KIAA1671: variants seen among roughly 807,000 people sequenced by gnomAD.
KIAA1671 encodes uncharacterized protein KIAA1671.
A neutral mutation model predicts 131.2 loss-of-function variants in KIAA1671; 52 were observed. The ratio of observed to expected loss-of-function variants is 0.40; its 90% CI spans 0.32 to 0.50. The LOEUF is 0.50. Among genes scored for constraint, KIAA1671 ranks in the 20% least tolerant of loss-of-function variants. The pLI is 0.73. For missense variants in KIAA1671, 2,360 were observed against 2,364.2 expected, an observed-to-expected ratio of 1.00 and a Z score of 0.04; for synonymous variants, 1,003 against 961.6, an observed-to-expected ratio of 1.04 and a Z score of -0.80.
At chr22:24,982,991 G>C (rs911687142) in intron 1 of KIAA1671, among the ~76,000 whole-genome samples, 6 of 152,152 alleles carry the variant, frequency 3.9e-5, no homozygotes, top group Non-Finnish European at 7.3e-5. Flanking sequence ...GAATTCATTT[G>C]GAAAGTACTC....
intron 1 of KIAA1671, among the ~76,000 whole-genome samples, chr22:25,002,576 C>T (rs1326810648): frequency 6.6e-6 from 1 of 152,152 alleles, no homozygotes; most frequent in Non-Finnish European, 1.5e-5. Context: ...GCCAGAAAAA[C>T]TGCAGATGTC....
intron 6 of KIAA1671, 51 bp downstream of exon 6, chr22:25,049,415 G>T: frequency 6.6e-7 from 1 of 1,526,374 alleles, no homozygotes; most frequent in Non-Finnish European, 8.9e-7. Flanking sequence ...GCTGGTTGCT[G>T]GACACTGCTG....
chr22:24,953,812 G>C (rs1921549181), intron 1 of KIAA1671, among the ~76,000 whole-genome samples: 1 of 152,182 alleles, frequency 6.6e-6, no homozygotes, highest in South Asian at 2.1e-4. Flanking sequence ...TGCCGGGACT[G>C]AACTTTCTCT....
intron 1 of KIAA1671, among the ~76,000 whole-genome samples, chr22:24,993,668 C>T (rs768531354): frequency 3.2e-4 from 48 of 152,236 alleles, no homozygotes; most frequent in Admixed American, 5.2e-4. Flanking sequence ...CTCTAAACTC[C>T]ACGTAAACAG....
At chr22:25,084,729 C>G (rs1008975334) in intron 6 of KIAA1671, among the ~76,000 whole-genome samples, 2 of 152,208 alleles carry the variant, frequency 1.3e-5, no homozygotes, top group Admixed American at 6.5e-5. Flanking sequence ...GAGCCTCGAA[C>G]AGTTGAGTGA....
chr22:25,071,750 G>C (rs1928839947), intron 6 of KIAA1671, among the ~76,000 whole-genome samples: 1 of 152,112 alleles, frequency 6.6e-6, no homozygotes, highest in African/African-American at 2.4e-5. Flanking sequence ...CTTGGCATAG[G>C]TGTTGAACTC....
intron 1 of KIAA1671, among the ~76,000 whole-genome samples, chr22:24,994,347 A>G (rs1005528206): frequency 6.6e-6 from 1 of 152,192 alleles, no homozygotes; most frequent in Non-Finnish European, 1.5e-5. Context: ...GCAGTGTACC[A>G]TTAGGGTGAG....
intron 1 of KIAA1671, among the ~76,000 whole-genome samples, chr22:24,988,109 C>G (rs986729003): frequency 1.3e-5 from 2 of 152,060 alleles, no homozygotes; most frequent in Non-Finnish European, 2.9e-5. Flanking sequence ...AACCCCGTTT[C>G]TACTAAAAAT....
intron 6 of KIAA1671, chr22:25,055,831 G>T (rs34029842): frequency 8.5e-5 from 12 of 140,712 alleles, no homozygotes; most frequent in Middle Eastern, 4.0e-3. Context: ...GATATAGATA[G>T]ATATAGATAC....
chr22:24,997,615 G>T (rs964496178), intron 1 of KIAA1671, among the ~76,000 whole-genome samples: 2 of 152,070 alleles, frequency 1.3e-5, no homozygotes, highest in African/African-American at 4.8e-5. Flanking sequence ...CAGGAGATGA[G>T]GTCTTAGTGG....
chr22:25,032,801 A>T, intron 4 of KIAA1671, 105 bp downstream of exon 4: 1 of 612,068 alleles, frequency 1.6e-6, no homozygotes, highest in Non-Finnish European at 2.8e-6. Context: ...ACTCAGAAAC[A>T]TGTCATGCAC....
intron 6 of KIAA1671, among the ~76,000 whole-genome samples, chr22:25,154,657 A>G (rs1933167184): frequency 6.6e-6 from 1 of 152,190 alleles, no homozygotes; most frequent in Non-Finnish European, 1.5e-5. Flanking sequence ...TGTCAGCCCG[A>G]CTGGTTTTCC....
chr22:25,082,056 G>A (rs5760832), intron 6 of KIAA1671, among the ~76,000 whole-genome samples: 41,138 of 151,908 alleles, frequency 0.27, 6,900 homozygotes, highest in African/African-American at 0.48. Context: ...CCCTCTACCC[G>A]CACTGTTTGC....
chr22:25,185,767 ACCT>A (rs1934457685), intron 11 of KIAA1671: 1 of 152,068 alleles, frequency 6.6e-6, no homozygotes, highest in Admixed American at 6.6e-5. Flanking sequence ...AAGGTACTTG[ACCT>A]CCTGAACCTC....
Position 25,039,580 on chromosome 22 carries a change from G to A in KIAA1671, c.2450G>A (p.Cys817Tyr). ...AGTGGACCGAAGTTTGGGGGCAATT[G>A]CCCGTTTCCCAAATGGACAGGCGGG... is the stretch of plus-strand genomic sequence containing the variant. ...EASGPKFGGN[C>Y]PFPKWTGGAV... The change falls in exon 5 of 13, where the codon TGC (cysteine) becomes TAC (tyrosine). Residue 817 changes from cysteine to tyrosine, a missense_variant. By Grantham distance (194) the Cys-to-Tyr change is radical. Coordinates refer to ENST00000358431, the MANE Select transcript of KIAA1671 (RefSeq NM_001145206.2). 2 of 1,551,786 alleles carry A rather than the reference G, an allele frequency of 1.3e-6. No individual in the cohort carries two copies. The highest frequency in any genetic ancestry group is 1.7e-6 in the Non-Finnish European group (2 of 1,147,000).
Position 25,029,266 on chromosome 22 carries a change from G to A in KIAA1671, c.1267G>A (p.Gly423Arg). Residue 423 changes from glycine (G) to arginine (R), a missense_variant, in exon 3 of 13, where the codon GGG (glycine) becomes AGG (arginine). Physicochemically the swap from Gly to Arg is moderately radical, Grantham distance 125. Coordinates refer to ENST00000358431, the MANE Select transcript of KIAA1671 (RefSeq NM_001145206.2). ...TGAGGTTAAGAGCAGAGTGGCGGAT[G>A]GGGAGGCCGCGGCAGGGGGAGAGTG... ...LAEVKSRVAD[G>R]EAAAGGEWAS... The A allele has an allele frequency of 6.7e-7, 1 of 1,501,194 alleles. No individual in the cohort carries two copies. Among genetic ancestry groups the A allele is most frequent in the Non-Finnish European group, 8.9e-7 (1 of 1,119,512 alleles). 93.0% of individuals were successfully genotyped at this position (1,501,194 alleles called of 1,614,324 possible).
intron 6 of KIAA1671, among the ~76,000 whole-genome samples, chr22:25,140,942 TAG>T (rs952980220): frequency 2.6e-5 from 4 of 151,580 alleles, no homozygotes; most frequent in African/African-American, 9.7e-5. Flanking sequence ...GTTGGAAGAG[TAG>T]AGTTATTTTT....
chr22:25,017,364 C>G (rs1925385620), intron 1 of KIAA1671, among the ~76,000 whole-genome samples: 1 of 152,068 alleles, frequency 6.6e-6, no homozygotes, highest in Non-Finnish European at 1.5e-5. Context: ...GCCTGGGCGA[C>G]AGAGCAAGAC....
At chr22:25,177,132 C>A (rs1030376657) in intron 8 of KIAA1671, 2 of 549,006 alleles carry the variant, frequency 3.6e-6, no homozygotes, top group Non-Finnish European at 6.5e-6. Flanking sequence ...GTTCATTGTT[C>A]CACCTGACTT....
Sources: gnomAD v4.1 joint callset for allele counts (sites outside exome capture counted in the v4.1 genomes callset) on GRCh38, gnomAD v4.1.1 for gene constraint, MANE v1.5 for transcripts, NCBI Gene and HGNC (gene_info 2026-07-23, HGNC 2026-07-21) for gene names.